SLC7A11: variants seen among roughly 807,000 people sequenced by gnomAD.
SLC7A11 encodes the protein solute carrier family 7 member 11, also known as cystine/glutamate transporter.
Under a neutral mutation model 54.5 loss-of-function variants are expected in SLC7A11, and 35 were observed. The ratio of observed to expected loss-of-function variants is 0.64; its 90% confidence interval spans 0.49 to 0.85. The LOEUF (loss-of-function observed/expected upper bound fraction) is 0.85, where lower values mean the gene tolerates loss of function less well. SLC7A11 is among the 40% of genes least tolerant of loss of function. The pLI, the probability that SLC7A11 is intolerant of heterozygous loss-of-function variation, is 0.00. For synonymous variants in SLC7A11, 230 were observed against 225.2 expected (o/e 1.02, Z -0.19); for missense variants, 583 against 618.1 (o/e 0.94, Z 0.60).
At chr4:138,222,729 T>G (rs1011377049) in intron 4 of SLC7A11, among the ~76,000 whole-genome samples, 2 of 152,188 alleles carry the variant, frequency 1.3e-5, no homozygotes, top group African/African-American at 2.4e-5. Flanking sequence ...CCGTATTGAC[T>G]CCTCTGTTGA....
intron 6 of SLC7A11, among the ~76,000 whole-genome samples, chr4:138,206,435 A>G (rs1737408156): frequency 6.6e-6 from 1 of 151,336 alleles, no homozygotes; most frequent in African/African-American, 2.4e-5. Flanking sequence ...GCCTCAAAAT[A>G]TAAAACTCAA....
intron 4 of SLC7A11, among the ~76,000 whole-genome samples, chr4:138,220,264 TC>T (rs1237009047): frequency 6.6e-6 from 1 of 152,160 alleles, no homozygotes; most frequent in African/African-American, 2.4e-5. Context: ...GATAAAGTTT[TC>T]TTTATCTATA....
intron 6 of SLC7A11, among the ~76,000 whole-genome samples, chr4:138,189,254 TC>T (rs1447621415): frequency 1.3e-4 from 20 of 152,248 alleles, no homozygotes; most frequent in Admixed American, 1.3e-3. Context: ...GGCAAATACA[TC>T]TTATTTTATC....
intron 1 of SLC7A11, among the ~76,000 whole-genome samples, chr4:138,238,822 G>A (rs1260865778): frequency 6.6e-6 from 1 of 151,936 alleles, no homozygotes; most frequent in African/African-American, 2.4e-5. Context: ...AGGCTGGTCT[G>A]GAACTCCTGG....
In SLC7A11 at chr4:138,170,250, G is replaced by GTGTATATATATA. The variant is rs1443314500; in HGVS notation, c.*1705_*1706insTATATATATACA. 1 of 74,108 alleles carries GTGTATATATATA rather than the reference G, an allele frequency of 1.3e-5. No individual in the cohort carries two copies. The highest frequency in any genetic ancestry group is 4.7e-5 in the African/African-American group (1 of 21,400). The allele number at this position is 74,108 out of a possible 1,614,324, so 4.6% of individuals were successfully genotyped here. On this transcript the variant is annotated 3_prime_UTR_variant, in exon 12 of 12. Coordinates refer to ENST00000280612, the MANE Select transcript of SLC7A11 (RefSeq NM_014331.4). The stretch of plus-strand genomic sequence containing the variant: ...ATATAAAAAGTGTGTGTGTGTGTGT[G>GTGTATATATATA]TATATATATATATATATATATACAC...
intron 9 of SLC7A11, among the ~76,000 whole-genome samples, chr4:138,181,334 G>C (rs890229186): frequency 6.6e-6 from 1 of 151,916 alleles, no homozygotes; most frequent in Non-Finnish European, 1.5e-5. Context: ...TTACTCTCCT[G>C]GTGTGCTTGC....
At chr4:138,193,279 G>T (rs916950959) in intron 6 of SLC7A11, among the ~76,000 whole-genome samples, 1 of 152,108 alleles carries the variant, frequency 6.6e-6, no homozygotes, top group Non-Finnish European at 1.5e-5. Flanking sequence ...TTCAAGTAGG[G>T]TGCTCTGGGA....
At chr4:138,206,381 T>TA (rs1737405851) in intron 6 of SLC7A11, among the ~76,000 whole-genome samples, 3 of 145,210 alleles carry the variant, frequency 2.1e-5, no homozygotes, top group Non-Finnish European at 4.5e-5. Context: ...TCAATGAGAT[T>TA]TATATATATA....
At chr4:138,178,930 A>T (rs1353104257) in intron 11 of SLC7A11, among the ~76,000 whole-genome samples, 1 of 152,148 alleles carries the variant, frequency 6.6e-6, no homozygotes, top group East Asian at 1.9e-4. Context: ...TAAAGGATTC[A>T]AAGAGAGATT....
At chr4:138,201,183 C>T (rs1362043795) in intron 6 of SLC7A11, among the ~76,000 whole-genome samples, 1 of 152,006 alleles carries the variant, frequency 6.6e-6, no homozygotes, top group Non-Finnish European at 1.5e-5. Flanking sequence ...CTAGTTTTTA[C>T]ATATTTTGGC....
chr4:138,192,158 A>G (rs1737027094), intron 6 of SLC7A11, among the ~76,000 whole-genome samples: 1 of 152,180 alleles, frequency 6.6e-6, no homozygotes, highest in African/African-American at 2.4e-5. Context: ...ACTACTCACC[A>G]AAAGTCTGTT....
chr4:138,165,545 T>C lies in SLC7A11; in HGVS notation c.*6411A>G, dbSNP rs543833868. On this transcript the variant is annotated 3_prime_UTR_variant, in exon 12 of 12. Coordinates refer to ENST00000280612, the MANE Select transcript of SLC7A11 (RefSeq NM_014331.4). ...CATTAAATGATACAGCCTTAACACA[T>C]ATGATGCTCATATTTGCAAAGTTCC... 6 of 152,414 alleles carry C rather than the reference T, an allele frequency of 3.9e-5. No homozygotes were observed. The highest frequency in any genetic ancestry group is 1.4e-4 in the African/African-American group (6 of 41,582). 9.4% of individuals were successfully genotyped at this position (152,414 alleles called of 1,614,324 possible).
At chr4:138,236,258 A>AACATGCATGTGTC in intron 2 of SLC7A11, 67 bp downstream of exon 2, 1 of 1,424,796 alleles carries the variant, frequency 7.0e-7, no homozygotes, top group Non-Finnish European at 9.7e-7. Flanking sequence ...CCAGTTAAAA[A>AACATGCATGTGTC]TAATCAAGGT....
At chr4:138,226,070 A>C (rs1737941210) in intron 3 of SLC7A11, among the ~76,000 whole-genome samples, 1 of 152,174 alleles carries the variant, frequency 6.6e-6, no homozygotes, top group Non-Finnish European at 1.5e-5. Flanking sequence ...TTTAAAAAAT[A>C]CTTTGTAAAG....
At chr4:138,189,242 C>G (rs1736951380) in intron 6 of SLC7A11, among the ~76,000 whole-genome samples, 1 of 152,116 alleles carries the variant, frequency 6.6e-6, no homozygotes, top group Admixed American at 6.6e-5. Context: ...CTACAAAGCA[C>G]TGGCAAATAC....
chr4:138,226,483 G>T (rs1737952221), intron 3 of SLC7A11, among the ~76,000 whole-genome samples: 1 of 151,940 alleles, frequency 6.6e-6, no homozygotes, highest in Admixed American at 6.6e-5. Flanking sequence ...TCCAGACATT[G>T]TACTCATTAT....
At chr4:138,179,089 A>G (rs1578630945) in intron 11 of SLC7A11, 128 bp downstream of exon 11, 1 of 630,374 alleles carries the variant, frequency 1.6e-6, no homozygotes, top group East Asian at 2.8e-5. Flanking sequence ...TCCAATTAAA[A>G]TGCCATAATG....
At chr4:138,192,236 C>CCT (rs1737029433) in intron 6 of SLC7A11, among the ~76,000 whole-genome samples, 2 of 152,086 alleles carry the variant, frequency 1.3e-5, no homozygotes, top group Admixed American at 1.3e-4. Context: ...TTTCCCAGCC[C>CCT]CTCTTTTATC....
intron 6 of SLC7A11, among the ~76,000 whole-genome samples, chr4:138,186,281 C>T (rs973723749): frequency 6.6e-6 from 1 of 152,144 alleles, no homozygotes; most frequent in African/African-American, 2.4e-5. Context: ...GGAGCCTTCA[C>T]CCTGCTGGGT....
Sources: allele counts gnomAD v4.1 joint callset (sites outside exome capture counted in the v4.1 genomes callset), GRCh38; gene constraint gnomAD v4.1.1; transcripts MANE v1.5; gene names NCBI Gene and HGNC (gene_info 2026-07-23, HGNC 2026-07-21).